The following LRRC56 variants were observed in gnomAD, a reference collection of about 807,000 sequenced individuals.
LRRC56 encodes leucine-rich repeat-containing protein 56.
Under a neutral mutation model 47.8 loss-of-function variants are expected in LRRC56, and 41 were observed. That is an observed-to-expected ratio of 0.86 (90% CI 0.67 to 1.11). The LOEUF is 1.11. Ranked by LOEUF, LRRC56 falls within the 50% of genes most tolerant of loss-of-function variation. The pLI, the probability that LRRC56 is intolerant of heterozygous loss-of-function variation, is 0.00. For missense variants in LRRC56, 759 were observed against 704.2 expected (o/e 1.08, Z -0.88); for synonymous variants, 387 against 311.2 (o/e 1.24, Z -2.56).
Position 549,883 on chromosome 11 carries a change from C to T in LRRC56, c.327-19C>T. On this transcript the variant is annotated intron_variant, in intron 6 of 13. Transcript: ENST00000270115. Reference sequence around the variant, plus strand: ...ACAGGGCTGGGCACATGTTGACCACCAAACCCTGCCTTCTGCAGGGACTTG... The same window carrying T: ...ACAGGGCTGGGCACATGTTGACCACTAAACCCTGCCTTCTGCAGGGACTTG... 1 of 1,609,268 alleles carries T rather than the reference C, an allele frequency of 6.2e-7. No homozygotes were observed. Among genetic ancestry groups the T allele is most frequent in the East Asian group, 2.2e-5 (1 of 44,850 alleles).
the LRRC56 span, among the ~76,000 whole-genome samples, chr11:528,126 G>A: frequency 8.5e-5 from 13 of 152,186 alleles, no homozygotes; most frequent in African/African-American, 2.9e-4. Flanking sequence ...TTGAGCCACC[G>A]TGCCCGGCCT....
At chr11:520,924 T>G in the LRRC56 span, among the ~76,000 whole-genome samples, 2 of 152,180 alleles carry the variant, frequency 1.3e-5, no homozygotes, top group African/African-American at 4.8e-5. Context: ...GGGGTGGGAA[T>G]TGTCCATATT....
At chr11:514,211 C>G in the LRRC56 span, among the ~76,000 whole-genome samples, 1 of 151,630 alleles carries the variant, frequency 6.6e-6, no homozygotes, top group Non-Finnish European at 1.5e-5. Context: ...CCAGGCTGGT[C>G]TCGAACTCCT....
At chr11:539,384 C>G (rs1214466758) in intron 2 of LRRC56, among the ~76,000 whole-genome samples, 196 bp from the exon 3 acceptor site, 1 of 92,454 alleles carries the variant, frequency 1.1e-5, no homozygotes, top group Non-Finnish European at 2.1e-5. Flanking sequence ...CGCACCCAGC[C>G]TTTTTTTTTT....
chr11:552,219 G>A lies in LRRC56; in HGVS notation c.1168G>A (p.Glu390Lys), dbSNP rs142323921. 3.7e-6 allele frequency: 6 copies of A among 1,610,392 alleles called. No homozygotes were observed. Among genetic ancestry groups the A allele is most frequent in the South Asian group, 3.3e-5 (3 of 91,012 alleles). The part of the protein sequence containing the change: ...LALAGLRAWR[E>K]HGVRPLPYRH... The stretch of plus-strand genomic sequence containing the variant: ...CTTGGCTGGGCTCAGGGCCTGGAGG[G>A]AACATGGCGTGCGGTGGGTGTCCCT... Residue 390 changes from glutamate to lysine, a missense_variant, in exon 12 of 14, where the codon GAA becomes AAA. Transcript: ENST00000270115.
At position 554,284 on chromosome 11, in the gene LRRC56, C is replaced by T; in HGVS notation, c.*8C>T. On this transcript the variant is annotated 3_prime_UTR_variant, in exon 14 of 14. Transcript: ENST00000270115. ...AGCCCCGTCCCCACTTAATATAGCCCCCACTGCCAGGCTTCCCTGTGCTGG... is the reference window on the plus strand; with the variant it reads ...AGCCCCGTCCCCACTTAATATAGCCTCCACTGCCAGGCTTCCCTGTGCTGG... 1 of 1,478,630 alleles carries T rather than the reference C, an allele frequency of 6.8e-7. No individual in the cohort carries two copies. The highest frequency in any genetic ancestry group is 1.4e-5 in the African/African-American group (1 of 70,760). The allele number at this position is 1,478,630 out of a possible 1,614,324, so 91.6% of individuals were successfully genotyped here.
the LRRC56 span, among the ~76,000 whole-genome samples, chr11:512,068 C>T: frequency 5.9e-5 from 9 of 151,488 alleles, no homozygotes; most frequent in East Asian, 2.0e-4. Context: ...CTCAGCCTCC[C>T]GAGTAGCTGG....
chr11:535,953 G>GCGCCGCCC (rs1851471774), upstream of LRRC56, among the ~76,000 whole-genome samples: 1 of 152,176 alleles, frequency 6.6e-6, no homozygotes, highest in Non-Finnish European at 1.5e-5. Context: ...GCCCACCGCG[G>GCGCCGCCC]AGGTCCCGGG....
Position 551,232 on chromosome 11 carries a change from C to G in LRRC56, c.726C>G (p.Pro242=), listed in dbSNP as rs765509066. 3.7e-5 allele frequency: 58 copies of G among 1,547,100 alleles called. 1 individual carries two copies. In the Middle Eastern group the frequency reaches 5.2e-3, roughly 138 times the overall value. ...VPAAHTGPPA[P]PRLSQDWLAV... is the part of the protein sequence containing the mutation. The stretch of plus-strand genomic sequence containing the variant: ...CCGCACACACAGGCCCACCGGCCCC[C>G]CCGCGGCTGAGCCAGGACTGGCTTG... The change falls in exon 9 of 14, where the codon CCC becomes CCG. Residue 242 remains proline (P), a synonymous_variant. Coordinates refer to ENST00000270115, the MANE Select transcript of LRRC56 (RefSeq NM_198075.4).
the LRRC56 span, among the ~76,000 whole-genome samples, chr11:525,305 C>T: frequency 1.7e-3 from 252 of 151,540 alleles, 1 homozygote; most frequent in East Asian, 4.3e-3. Flanking sequence ...TTTGGGAGGC[C>T]AAGGCGGGCG....
chr11:518,837 G>A, the LRRC56 span, among the ~76,000 whole-genome samples: 7 of 151,948 alleles, frequency 4.6e-5, no homozygotes, highest in Non-Finnish European at 1.0e-4. Context: ...GGAAGGAGCC[G>A]CCCCGAACGC....
chr11:525,283 T>C, the LRRC56 span, among the ~76,000 whole-genome samples: 2 of 151,570 alleles, frequency 1.3e-5, no homozygotes, highest in African/African-American at 4.8e-5. Context: ...CTCACGCCTG[T>C]AATCCCAGCA....
chr11:554,795 C>A lies in LRRC56; in HGVS notation c.*519C>A. On this transcript the variant is annotated 3_prime_UTR_variant, in exon 14 of 14. Coordinates refer to ENST00000270115, the MANE Select transcript of LRRC56 (RefSeq NM_198075.4). Reference sequence around the variant, plus strand: ...GTTCCCGCACTGCGATAGGGCGGCCCGTTCCCTCCTCTTGGCGCAGGACGC... The same window carrying A: ...GTTCCCGCACTGCGATAGGGCGGCCAGTTCCCTCCTCTTGGCGCAGGACGC... The A allele has an allele frequency of 1.9e-6, 1 of 534,024 alleles. No homozygotes were observed. Among genetic ancestry groups the A allele is most frequent in the Non-Finnish European group, 3.2e-6 (1 of 308,104 alleles). 33.1% of individuals were successfully genotyped at this position (534,024 alleles called of 1,614,324 possible). A position where few individuals can be genotyped will look rare whatever the true frequency, so the allele number is the denominator to read the frequency against.
chr11:524,184 G>A, the LRRC56 span, among the ~76,000 whole-genome samples: 12 of 152,106 alleles, frequency 7.9e-5, no homozygotes, highest in East Asian at 3.8e-4. Flanking sequence ...ATAACCCAAC[G>A]TTACACTGAC....
chr11:554,092 TG>T lies in LRRC56; in HGVS notation c.1448del (p.Gly483AlafsTer17). ...LQSRGRRLRV[L>X]GSWGPGLGDG... The stretch of plus-strand genomic sequence containing the variant: ...TCCAGGGGGCGTCGGCTCCGAGTCC[TG>T]GGCAGCTGGGGGCCTGGCCTGGGTG... On this transcript the variant is annotated frameshift_variant, in exon 14 of 14. Transcript: ENST00000270115. LOFTEE classifies it low-confidence loss of function (END_TRUNC). 1 of 1,607,662 alleles carries T rather than the reference TG, an allele frequency of 6.2e-7. No individual in the cohort carries two copies. Among genetic ancestry groups the T allele is most frequent in the Non-Finnish European group, 8.5e-7 (1 of 1,178,554 alleles).
chr11:523,965 A>G, the LRRC56 span, among the ~76,000 whole-genome samples: 1 of 152,136 alleles, frequency 6.6e-6, no homozygotes, highest in Non-Finnish European at 1.5e-5. Context: ...GAAAACTACA[A>G]GATCTGAAGA....
chr11:545,998 C>T (rs1365716705), intron 6 of LRRC56, among the ~76,000 whole-genome samples: 4 of 152,192 alleles, frequency 2.6e-5, no homozygotes, highest in Non-Finnish European at 4.4e-5. Context: ...GGGCCGGGCA[C>T]GGTGTCTCAC....
the LRRC56 span, among the ~76,000 whole-genome samples, chr11:519,063 CA>C: frequency 6.6e-6 from 1 of 152,208 alleles, no homozygotes; most frequent in African/African-American, 2.4e-5. Context: ...GTCCGCTGTG[CA>C]AACCGGTCCT....
chr11:539,550 A>ATT (rs5789201), intron 2 of LRRC56, 30 bp from the exon 3 acceptor site: 11 of 129,536 alleles, frequency 8.5e-5, no homozygotes, highest in East Asian at 6.8e-4. Flanking sequence ...ACGCCAGCTA[A>ATT]TTTTTTTTTT....
Sources: allele counts gnomAD v4.1 joint callset (sites outside exome capture counted in the v4.1 genomes callset), GRCh38; gene constraint gnomAD v4.1.1; transcripts MANE v1.5; gene names NCBI Gene and HGNC (gene_info 2026-07-23, HGNC 2026-07-21).